SLC10A7: variants seen among roughly 807,000 people sequenced by gnomAD.
SLC10A7 encodes sodium/bile acid cotransporter 7.
In SLC10A7, 29 loss-of-function variants were observed where a neutral mutation model predicts 43.2. That is an observed-to-expected ratio of 0.67 (90% CI 0.50 to 0.92). The LOEUF (loss-of-function observed/expected upper bound fraction) is 0.92. Ranked by LOEUF, SLC10A7 falls within the 40% of genes least tolerant of loss-of-function variation. The pLI, the probability that SLC10A7 is intolerant of heterozygous loss-of-function variation, is 0.00. For synonymous variants in SLC10A7, 152 were observed against 144.8 expected (o/e 1.05, Z -0.35); for missense variants, 295 against 403.2 (o/e 0.73, Z 2.30).
chr4:146,295,924 T>A (rs750274593), intron 7 of SLC10A7, among the ~76,000 whole-genome samples: 12 of 152,168 alleles, frequency 7.9e-5, no homozygotes, highest in Non-Finnish European at 1.5e-4. Context: ...AAAATAAGTG[T>A]CTTCCTCTCC....
At chr4:146,491,689 AAGG>A (rs1735441751) in intron 4 of SLC10A7, among the ~76,000 whole-genome samples, 4 of 84,622 alleles carry the variant, frequency 4.7e-5, no homozygotes, top group Non-Finnish European at 9.5e-5. Flanking sequence ...GGAAGGAAGG[AAGG>A]AAGGAAGGAA....
chr4:146,478,171 C>T (rs1285051713), intron 4 of SLC10A7: 1 of 152,172 alleles, frequency 6.6e-6, no homozygotes, highest in Non-Finnish European at 1.5e-5. Flanking sequence ...TCTTCAGCCC[C>T]ACGCGGTTTC....
chr4:146,393,545 T>C (rs1738600629), intron 5 of SLC10A7, among the ~76,000 whole-genome samples: 4 of 152,244 alleles, frequency 2.6e-5, no homozygotes, highest in African/African-American at 9.6e-5. Flanking sequence ...GAAAGTACCC[T>C]GTTCACTATG....
chr4:146,358,403 GTATAA>G (rs1735809414), intron 5 of SLC10A7, among the ~76,000 whole-genome samples: 1 of 152,026 alleles, frequency 6.6e-6, no homozygotes, highest in Non-Finnish European at 1.5e-5. Flanking sequence ...GTTTATTGAA[GTATAA>G]TATAGTATAA....
intron 10 of SLC10A7, among the ~76,000 whole-genome samples, chr4:146,279,862 T>C (rs948036935): frequency 6.6e-6 from 1 of 152,176 alleles, no homozygotes; most frequent in African/African-American, 2.4e-5. Flanking sequence ...GAAAAAGTAC[T>C]AATACGAAGA....
chr4:146,415,294 G>A (rs2679158), intron 5 of SLC10A7, among the ~76,000 whole-genome samples: 36,306 of 152,024 alleles, frequency 0.24, 4,654 homozygotes, highest in African/African-American at 0.34. Context: ...TCTGGCTGTG[G>A]TTCTTCTCAT....
chr4:146,381,485 T>A (rs921755855), intron 5 of SLC10A7, among the ~76,000 whole-genome samples: 12 of 152,168 alleles, frequency 7.9e-5, no homozygotes, highest in Non-Finnish European at 1.3e-4. Context: ...TTAGTCATTC[T>A]CATTCTCTCC....
intron 5 of SLC10A7, among the ~76,000 whole-genome samples, chr4:146,377,323 C>T (rs1737277269): frequency 6.6e-6 from 1 of 152,270 alleles, no homozygotes; most frequent in African/African-American, 2.4e-5. Flanking sequence ...ACCAAGAGGG[C>T]AGGATGTAAA....
chr4:146,521,923 A>T lies in SLC10A7; in HGVS notation c.-206T>A, dbSNP rs938240310. ...GTTGGGAGTAGTAGTAGCCAGTGAC[A>T]GGAAAGTCTCACTGAGCGCCGCCAT... On this transcript the variant is annotated 5_prime_UTR_variant, in exon 1 of 12. Coordinates refer to ENST00000335472, the MANE Select transcript of SLC10A7 (RefSeq NM_001029998.6). The T allele has an allele frequency of 1.6e-5, 8 of 505,014 alleles. No individual in the cohort carries two copies. Among genetic ancestry groups the T allele is most frequent in the Admixed American group, 1.1e-4 (3 of 28,168 alleles). 31.3% of individuals were successfully genotyped at this position (505,014 alleles called of 1,614,324 possible). A position where few individuals can be genotyped will look rare whatever the true frequency, so the allele number is the denominator to read the frequency against.
At chr4:146,406,476 A>G (rs1218218457) in intron 5 of SLC10A7, among the ~76,000 whole-genome samples, 1 of 152,188 alleles carries the variant, frequency 6.6e-6, no homozygotes, top group East Asian at 1.9e-4. Flanking sequence ...GTCCTCATCT[A>G]TAAGCTCTTC....
At chr4:146,295,557 T>C (rs1205408627) in intron 7 of SLC10A7, among the ~76,000 whole-genome samples, 1 of 152,150 alleles carries the variant, frequency 6.6e-6, no homozygotes, top group Non-Finnish European at 1.5e-5. Flanking sequence ...CACAGCATTA[T>C]GTACTGACAT....
intron 5 of SLC10A7, among the ~76,000 whole-genome samples, chr4:146,401,070 A>G (rs1344037706): frequency 6.6e-6 from 1 of 152,242 alleles, no homozygotes; most frequent in African/African-American, 2.4e-5. Flanking sequence ...GATTCAGAAC[A>G]GCTAAAATTT....
chr4:146,454,098 T>C (rs1416410911), intron 4 of SLC10A7, among the ~76,000 whole-genome samples: 1 of 151,948 alleles, frequency 6.6e-6, no homozygotes, highest in Non-Finnish European at 1.5e-5. Context: ...AAAAACATAA[T>C]TATCAGTTCA....
intron 4 of SLC10A7, among the ~76,000 whole-genome samples, chr4:146,462,214 CTAGT>C (rs767398306): frequency 2.0e-5 from 3 of 151,120 alleles, no homozygotes; most frequent in East Asian, 1.9e-4. Context: ...TTTTTTCATT[CTAGT>C]TACTCAAATA....
At chr4:146,399,532 C>T (rs1049496548) in intron 5 of SLC10A7, among the ~76,000 whole-genome samples, 2 of 151,946 alleles carry the variant, frequency 1.3e-5, no homozygotes, top group Non-Finnish European at 2.9e-5. Flanking sequence ...GCACAACAGG[C>T]ATAATTACAG....
At chr4:146,354,729 T>C (rs1284645224) in intron 5 of SLC10A7, among the ~76,000 whole-genome samples, 5 of 149,730 alleles carry the variant, frequency 3.3e-5, no homozygotes, top group Non-Finnish European at 7.4e-5. Context: ...TCAGAAATAA[T>C]GCCGCATATC....
At chr4:146,416,662 C>T (rs1328349112) in intron 5 of SLC10A7, among the ~76,000 whole-genome samples, 1 of 152,130 alleles carries the variant, frequency 6.6e-6, no homozygotes, top group Non-Finnish European at 1.5e-5. Context: ...AGAATCTGGT[C>T]TTTCTGAATA....
intron 4 of SLC10A7, among the ~76,000 whole-genome samples, chr4:146,481,254 T>A (rs183666059): frequency 6.6e-6 from 1 of 152,234 alleles, no homozygotes; most frequent in African/African-American, 2.4e-5. Flanking sequence ...CCAGTCCAAA[T>A]AGGCACAGTG....
At chr4:146,440,757 G>A (rs954192354) in intron 5 of SLC10A7, among the ~76,000 whole-genome samples, 11 of 151,972 alleles carry the variant, frequency 7.2e-5, no homozygotes, top group African/African-American at 2.4e-4. Context: ...AACTCTCTCT[G>A]GTAATTTTCA....
Sources: gnomAD v4.1 joint callset for allele counts (sites outside exome capture counted in the v4.1 genomes callset) on GRCh38, gnomAD v4.1.1 for gene constraint, MANE v1.5 for transcripts, NCBI Gene and HGNC (gene_info 2026-07-23, HGNC 2026-07-21) for gene names.